Variants in TMEM248 observed in about 807,000 individuals in gnomAD.
TMEM248 encodes the protein UPF0458 protein C7orf42.
Under a neutral mutation model 30.3 loss-of-function variants are expected in TMEM248, and 9 were observed. That is an observed-to-expected ratio of 0.30 (90% confidence interval 0.18 to 0.52). The LOEUF is 0.52. TMEM248 is among the 20% of genes least tolerant of loss of function. TMEM248 has a pLI of 0.97. For missense variants in TMEM248, 338 were observed against 403.3 expected (o/e 0.84, Z 1.39); for synonymous variants, 184 against 154.4 (o/e 1.19, Z -1.42).
At position 66,921,347 on chromosome 7, in the gene TMEM248, C is replaced by T. The variant is rs1791378811; in HGVS notation, c.-133C>T. ...CCCCGGCGCGGGGAGAAGATGGTGC[C>T]TAGCGGCCTCGGGCCCGCCACGCGC... is the stretch of plus-strand genomic sequence containing the variant. On this transcript the variant is annotated 5_prime_UTR_variant, in exon 1 of 7. Transcript: ENST00000341567. 1 of 150,668 alleles carries T rather than the reference C, an allele frequency of 6.6e-6. No homozygotes were observed. Among genetic ancestry groups the T allele is most frequent in the Non-Finnish European group, 1.5e-5 (1 of 67,584 alleles). 9.3% of individuals were successfully genotyped at this position (150,668 alleles called of 1,614,324 possible). A position where few individuals can be genotyped will look rare whatever the true frequency, so the allele number is the denominator to read the frequency against.
At chr7:66,938,156 C>T (rs1791853985) in intron 1 of TMEM248, among the ~76,000 whole-genome samples, 1 of 152,142 alleles carries the variant, frequency 6.6e-6, no homozygotes, top group Admixed American at 6.5e-5. Flanking sequence ...AGTCCATTTA[C>T]ATTCAGTGTT....
At chr7:66,938,088 A>G (rs1196721438) in intron 1 of TMEM248, among the ~76,000 whole-genome samples, 1 of 152,144 alleles carries the variant, frequency 6.6e-6, no homozygotes, top group Admixed American at 6.6e-5. Context: ...TAGGCAACAC[A>G]TCGTTGGATC....
In TMEM248 at chr7:66,945,018, T is replaced by C. The variant is rs1283151325; in HGVS notation, c.202T>C (p.Cys68Arg). Residue 68 changes from cysteine (C) to arginine (R), a missense_variant, in exon 3 of 7, where the codon TGT becomes CGT. Cys to Arg is a radical substitution (Grantham distance 180). Coordinates refer to ENST00000341567, the MANE Select transcript of TMEM248 (RefSeq NM_017994.5). ...GCTACGGTTCAATGATTTGGACTTG[T>C]GTGTATCAGAGAATGAAACCCTCAA... ...FLLRFNDLDL[C>R]VSENETLKHL... The C allele has an allele frequency of 6.2e-7, 1 of 1,614,230 alleles. No individual in the cohort carries two copies. The highest frequency in any genetic ancestry group is 8.5e-7 in the Non-Finnish European group (1 of 1,180,052).
intron 6 of TMEM248, among the ~76,000 whole-genome samples, chr7:66,953,939 C>CTTTTT (rs34925648): frequency 1.5e-3 from 130 of 83,932 alleles, no homozygotes; most frequent in African/African-American, 2.3e-3. Flanking sequence ...AGATTACTTT[C>CTTTTT]TTTTTTTTTT....
At chr7:66,923,006 A>C (rs767242464) in intron 1 of TMEM248, among the ~76,000 whole-genome samples, 1 of 151,952 alleles carries the variant, frequency 6.6e-6, no homozygotes, top group African/African-American at 2.4e-5. Flanking sequence ...CGCACCTGGC[A>C]TAAGTGCGAA....
At position 66,937,588 on chromosome 7, in the gene TMEM248, G is replaced by A. The variant is rs555262919; in HGVS notation, c.-18-4260G>A. 2.4e-4 allele frequency among the ~76,000 whole-genome samples: 36 copies of A among 152,242 alleles called. 1 individual carries two copies. Among genetic ancestry groups the A allele is most frequent in the African/African-American group, 5.5e-4 (23 of 41,552 alleles). ...GTTACATCATCTTGCTGAATTGACC[G>A]TTTGACCTTCTTTGTCTCTTTTTAT... is the stretch of plus-strand genomic sequence containing the variant. On this transcript the variant is annotated intron_variant, in intron 1 of 6. Coordinates refer to ENST00000341567, the MANE Select transcript of TMEM248 (RefSeq NM_017994.5).
At chr7:66,924,955 C>T (rs376966543) in intron 1 of TMEM248, among the ~76,000 whole-genome samples, 3 of 151,978 alleles carry the variant, frequency 2.0e-5, no homozygotes, top group South Asian at 2.1e-4. Context: ...GTGATCCGCC[C>T]GCCTTGGCCT....
intron 1 of TMEM248, among the ~76,000 whole-genome samples, chr7:66,928,926 T>C (rs1167200433): frequency 6.6e-6 from 1 of 152,160 alleles, no homozygotes; most frequent in Non-Finnish European, 1.5e-5. Flanking sequence ...TAGCTGGGAC[T>C]ACAGGTGTGC....
chr7:66,941,410 C>G (rs974751421), intron 1 of TMEM248, among the ~76,000 whole-genome samples: 1 of 151,232 alleles, frequency 6.6e-6, no homozygotes, highest in African/African-American at 2.4e-5. Context: ...AAAAAATTAG[C>G]CGGGCATAGT....
At chr7:66,923,754 C>G (rs1275386851) in intron 1 of TMEM248, among the ~76,000 whole-genome samples, 1 of 152,178 alleles carries the variant, frequency 6.6e-6, no homozygotes, top group Non-Finnish European at 1.5e-5. Flanking sequence ...AGTCGGCAAC[C>G]TCTGCCTTCT....
chr7:66,945,151 T>A lies in TMEM248; in HGVS notation c.335T>A (p.Ile112Asn). ...CTGGAGGACTCGGGCCCGGTGAATA[T>A]CTCAGTCTCAATCACCCTAACCCTG... ...QALEDSGPVN[I>N]SVSITLTLDP... Residue 112 changes from isoleucine to asparagine, a missense_variant, in exon 3 of 7, where the codon ATC becomes AAC. Transcript: ENST00000341567. 2 of 1,614,154 alleles carry A rather than the reference T, an allele frequency of 1.2e-6. No homozygotes were observed.
At position 66,951,071 on chromosome 7, in the gene TMEM248, A is replaced by G. The variant is rs971268649; in HGVS notation, c.716A>G (p.Tyr239Cys). Residue 239 changes from tyrosine to cysteine, a missense_variant, in exon 5 of 7, where the codon TAT becomes TGT. By Grantham distance (194) the Tyr-to-Cys change is radical. Transcript: ENST00000341567. ...YAQDYNPFWC[Y>C]KGAIGKVYHA... is the part of the protein sequence containing the mutation. ...CAAGATTACAATCCTTTCTGGTGTT[A>G]TAAGGGGGCCATTGGAAAAGTCTAT... is the stretch of plus-strand genomic sequence containing the variant. The G allele has an allele frequency of 6.2e-7, 1 of 1,610,998 alleles. No homozygotes were observed. Among genetic ancestry groups the G allele is most frequent in the African/African-American group, 1.3e-5 (1 of 74,772 alleles).
intron 1 of TMEM248, among the ~76,000 whole-genome samples, chr7:66,932,900 T>G (rs760753561): frequency 3.4e-5 from 5 of 147,788 alleles, no homozygotes; most frequent in Non-Finnish European, 7.4e-5. Context: ...AGAGTCTCAC[T>G]CCATCACCCA....
intron 1 of TMEM248, among the ~76,000 whole-genome samples, chr7:66,933,852 C>T (rs1177964714): frequency 6.6e-6 from 1 of 152,216 alleles, no homozygotes; most frequent in Non-Finnish European, 1.5e-5. Context: ...GAGGCAGCTT[C>T]CCAGCAGTGG....
intron 1 of TMEM248, among the ~76,000 whole-genome samples, chr7:66,935,565 C>T (rs917061928): frequency 4.0e-5 from 6 of 151,600 alleles, no homozygotes; most frequent in South Asian, 4.2e-4. Context: ...TTTTTTGAAA[C>T]GGAGTCTTAC....
intron 2 of TMEM248, 48 bp downstream of exon 2, chr7:66,942,072 G>T (rs755773175): frequency 1.3e-6 from 2 of 1,583,404 alleles, no homozygotes; most frequent in African/African-American, 1.3e-5. Flanking sequence ...CTTGTGCAGT[G>T]GGGCAACACC....
Position 66,953,211 on chromosome 7 carries a change from C to G in TMEM248, c.781-15C>G. On this transcript the variant is annotated splice_polypyrimidine_tract_variant and intron_variant, in intron 5 of 6. Coordinates refer to ENST00000341567, the MANE Select transcript of TMEM248 (RefSeq NM_017994.5). ...AGAGCAGATGTTTCTGATTTTTTTTCTCTTCTTTATTTAGGATGACCGTTC... is the reference window on the plus strand; with the variant it reads ...AGAGCAGATGTTTCTGATTTTTTTTGTCTTCTTTATTTAGGATGACCGTTC... 6.2e-7 allele frequency: 1 copy of G among 1,609,368 alleles called. No homozygotes were observed. The highest frequency in any genetic ancestry group is 8.5e-7 in the Non-Finnish European group (1 of 1,178,574).
At chr7:66,951,589 T>G (rs1206455386) in intron 5 of TMEM248, among the ~76,000 whole-genome samples, 1 of 151,564 alleles carries the variant, frequency 6.6e-6, no homozygotes, top group Admixed American at 6.6e-5. Flanking sequence ...GAATAGGATT[T>G]AACTTAACCA....
intron 5 of TMEM248, among the ~76,000 whole-genome samples, chr7:66,951,899 C>T (rs1478651405): frequency 6.6e-6 from 1 of 151,912 alleles, no homozygotes; most frequent in African/African-American, 2.4e-5. Flanking sequence ...TGGTCTCAAG[C>T]GATCCTCCTG....
Sources: allele counts gnomAD v4.1 joint callset (sites outside exome capture counted in the v4.1 genomes callset), GRCh38; gene constraint gnomAD v4.1.1; transcripts MANE v1.5; gene names NCBI Gene and HGNC (gene_info 2026-07-23, HGNC 2026-07-21).